Variants in SLC25A30 observed in about 807,000 individuals in gnomAD.
SLC25A30 encodes the protein solute carrier family 25 member 30.
Under a neutral mutation model 42.7 loss-of-function variants are expected in SLC25A30, and 29 were observed. That is an observed-to-expected ratio of 0.68 (90% CI 0.51 to 0.93). The LOEUF (loss-of-function observed/expected upper bound fraction) is 0.93, where lower values mean the gene tolerates loss of function less well. Among genes scored for constraint, SLC25A30 ranks in the 40% least tolerant of loss-of-function variants. The pLI is 0.00. For synonymous variants in SLC25A30, 124 were observed against 131.0 expected, an observed-to-expected ratio of 0.95 and a Z score of 0.37; for missense variants, 300 against 359.7, an observed-to-expected ratio of 0.83 and a Z score of 1.34.
upstream of SLC25A30, among the ~76,000 whole-genome samples, chr13:45,420,977 C>G (rs1325007216): frequency 6.6e-6 from 1 of 152,008 alleles, no homozygotes; most frequent in Non-Finnish European, 1.5e-5. Context: ...TTGTGGGGCC[C>G]CTGCAGTAAC....
chr13:45,417,138 C>G (rs150715822), intron 1 of SLC25A30, among the ~76,000 whole-genome samples: 3 of 152,238 alleles, frequency 2.0e-5, no homozygotes, highest in Non-Finnish European at 2.9e-5. Flanking sequence ...CTCAACCTCC[C>G]GAGTAGCTAG....
At chr13:45,420,857 T>G (rs1883873962), upstream of SLC25A30, among the ~76,000 whole-genome samples, 1 of 151,724 alleles carries the variant, frequency 6.6e-6, no homozygotes, top group Non-Finnish European at 1.5e-5. Flanking sequence ...TGAGCCACCA[T>G]GCCTGGCCAA....
chr13:45,408,773 G>C (rs1272767486), intron 3 of SLC25A30, among the ~76,000 whole-genome samples, 154 bp downstream of exon 3: 1 of 152,170 alleles, frequency 6.6e-6, no homozygotes, highest in Non-Finnish European at 1.5e-5. Flanking sequence ...TTAGAAATTA[G>C]AGTTGAAATT....
chr13:45,402,323 G>C lies in SLC25A30; in HGVS notation c.441C>G (p.Gly147=). 6.2e-7 allele frequency: 1 copy of C among 1,614,028 alleles called. No homozygotes were observed. The highest frequency in any genetic ancestry group is 2.2e-5 in the East Asian group (1 of 44,872). Reference sequence around the variant, plus strand: ...CTTGCTGGTAAATGTTCATGAAGTTGCCTATCATTCCTCCTTGAATGGTGT... The same window carrying C: ...CTTGCTGGTAAATGTTCATGAAGTTCCCTATCATTCCTCCTTGAATGGTGT... ...QSNTIQGGMI[G]NFMNIYQQEG... Residue 147 remains glycine (G), a synonymous_variant, in exon 6 of 10, where the codon GGC becomes GGG. Transcript: ENST00000519676.
At chr13:45,429,488 C>A in the SLC25A30 span, among the ~76,000 whole-genome samples, 3 of 152,078 alleles carry the variant, frequency 2.0e-5, no homozygotes, top group Admixed American at 2.0e-4. Flanking sequence ...AAATAAGCGA[C>A]CAGCAAAGGA....
At position 45,397,324 on chromosome 13, in the gene SLC25A30, T is replaced by C. The variant is rs746275810; in HGVS notation, c.768A>G (p.Glu256=). The change falls in exon 9 of 10, where the codon GAA becomes GAG. Residue 256 remains glutamate, a synonymous_variant. Coordinates refer to ENST00000519676, the MANE Select transcript of SLC25A30 (RefSeq NM_001010875.4). The part of the protein sequence containing the change: ...LDCLLQTWKN[E]GFFALYKGFW... ...AGCCTTTATAGAGAGCAAAAAACCC[T>C]TCATTCTTCCATGTCTGTTAAAAGA... is the stretch of plus-strand genomic sequence containing the variant. 6.2e-7 allele frequency: 1 copy of C among 1,610,624 alleles called. No homozygotes were observed. Among genetic ancestry groups the C allele is most frequent in the Non-Finnish European group, 8.5e-7 (1 of 1,177,372 alleles).
rs569412558 is a variant in SLC25A30, at chr13:45,396,259, A to G, written c.835-244T>C. On this transcript the variant is annotated intron_variant, in intron 9 of 9. Coordinates refer to ENST00000519676, the MANE Select transcript of SLC25A30 (RefSeq NM_001010875.4). ...TGGTATCAGCCTCTTCTGAGATGGC[A>G]TCTACGCTGATAAGCTTTTGTGGCT... The G allele has an allele frequency of 8.0e-6, 11 of 1,377,118 alleles. No homozygotes were observed. In the African/African-American group the frequency reaches 1.2e-4, roughly 15 times the overall value. 85.3% of individuals were successfully genotyped at this position (1,377,118 alleles called of 1,614,324 possible).
rs571184813 is a variant in SLC25A30, at chr13:45,400,033, T to TATATATATATATATATAG, written c.615-956_615-955insCTATATATATATATATAT. On this transcript the variant is annotated intron_variant, in intron 7 of 9. Coordinates refer to ENST00000519676, the MANE Select transcript of SLC25A30 (RefSeq NM_001010875.4). ...GTATGATTATATATATATATATATATACACACACACACACACACACACACA... is the reference window on the plus strand; with the variant it reads ...GTATGATTATATATATATATATATATATATATATATATATATAGACACACACACACACACACACACACA... 3.3e-5 allele frequency among the ~76,000 whole-genome samples: 4 copies of TATATATATATATATATAG among 122,996 alleles called. No individual in the cohort carries two copies. In the South Asian group the frequency reaches 1.1e-3, roughly 33 times the overall value. The allele number at this position is 122,996 out of a possible 152,430, so 80.7% of individuals were successfully genotyped here. A position where few individuals can be genotyped will look rare whatever the true frequency, so the allele number is the denominator to read the frequency against.
rs918771247 is a variant in SLC25A30, at chr13:45,405,206, C to T, written c.307+677G>A. The stretch of plus-strand genomic sequence containing the variant: ...CCCCAAAGCACTGGGATTACAGGCA[C>T]GCGCCACCGCACCCAGCCCCAGTTC... On this transcript the variant is annotated intron_variant, in intron 4 of 9. Coordinates refer to ENST00000519676, the MANE Select transcript of SLC25A30 (RefSeq NM_001010875.4). 2.6e-5 allele frequency among the ~76,000 whole-genome samples: 4 copies of T among 152,244 alleles called. No individual in the cohort carries two copies. In the East Asian group the frequency reaches 5.8e-4, roughly 22 times the overall value.
At chr13:45,402,082 A>T (rs577209559) in intron 6 of SLC25A30, among the ~76,000 whole-genome samples, 193 bp downstream of exon 6, 214 of 148,014 alleles carry the variant, frequency 1.4e-3, no homozygotes, top group African/African-American at 5.4e-3. Flanking sequence ...AAAAAAAAAA[A>T]TCATGACATA....
chr13:45,398,199 C>T (rs149989493), intron 8 of SLC25A30: 100 of 216,612 alleles, frequency 4.6e-4, no homozygotes, highest in African/African-American at 2.0e-3. Flanking sequence ...AGCAAACTAA[C>T]GCAGAAACAG....
the SLC25A30 span, among the ~76,000 whole-genome samples, chr13:45,432,876 AC>A: frequency 1.8e-4 from 27 of 151,852 alleles, no homozygotes; most frequent in Non-Finnish European, 3.8e-4. Flanking sequence ...CAAAAAAAAA[AC>A]AAAAAAAAAT....
chr13:45,395,164 T>C lies in SLC25A30; in HGVS notation c.*810A>G. On this transcript the variant is annotated 3_prime_UTR_variant, in exon 10 of 10. Coordinates refer to ENST00000519676, the MANE Select transcript of SLC25A30 (RefSeq NM_001010875.4). ...TTTGACCCTCTACATCAATAGACGT[T>C]ATTATCCCCATTTTACTCATTGAGA... The C allele has an allele frequency of 1.0e-6, 1 of 985,014 alleles. No individual in the cohort carries two copies. The highest frequency in any genetic ancestry group is 1.2e-6 in the Non-Finnish European group (1 of 829,518). 61.0% of individuals were successfully genotyped at this position (985,014 alleles called of 1,614,324 possible).
upstream of SLC25A30, among the ~76,000 whole-genome samples, chr13:45,421,379 C>CAAAAAAAAAAA (rs368665089): frequency 1.2e-5 from 1 of 83,358 alleles, no homozygotes; most frequent in Non-Finnish European, 2.2e-5. Context: ...ACTCCATCTC[C>CAAAAAAAAAAA]AAAAAAAAAA....
At chr13:45,424,589 AT>A in the SLC25A30 span, among the ~76,000 whole-genome samples, 2 of 64,382 alleles carry the variant, frequency 3.1e-5, 1 homozygote, top group Non-Finnish European at 5.6e-5. Flanking sequence ...ATATATATAA[AT>A]ATATATAAAT....
chr13:45,423,592 T>TATATATATATAAAAATATATATAAA, the SLC25A30 span, among the ~76,000 whole-genome samples: 1 of 23,726 alleles, frequency 4.2e-5, no homozygotes, highest in African/African-American at 1.0e-4. Context: ...TATATATAAA[T>TATATATATATAAAAATATATATAAA]ATATATATAT....
At chr13:45,425,258 G>A in the SLC25A30 span, among the ~76,000 whole-genome samples, 4 of 99,294 alleles carry the variant, frequency 4.0e-5, no homozygotes, top group Non-Finnish European at 5.4e-5. Context: ...ATATATATAC[G>A]TATATATACG....
At chr13:45,423,821 AAT>A in the SLC25A30 span, among the ~76,000 whole-genome samples, 13 of 79,188 alleles carry the variant, frequency 1.6e-4, no homozygotes, top group African/African-American at 7.3e-4. Context: ...TAAAAATATA[AAT>A]ATATATTTAT....
At chr13:45,399,790 C>A (rs1341481344) in intron 7 of SLC25A30, among the ~76,000 whole-genome samples, 2 of 151,788 alleles carry the variant, frequency 1.3e-5, no homozygotes, top group Non-Finnish European at 2.9e-5. Flanking sequence ...AGAAAAAGAT[C>A]TCCTTACTAT....
Sources: allele counts gnomAD v4.1 joint callset (sites outside exome capture counted in the v4.1 genomes callset), GRCh38; gene constraint gnomAD v4.1.1; transcripts MANE v1.5; gene names NCBI Gene and HGNC (gene_info 2026-07-23, HGNC 2026-07-21).